The following LAMA1 variants were observed in gnomAD, a reference collection of about 807,000 sequenced individuals.
LAMA1 encodes laminin subunit alpha 1, also known as laminin subunit alpha-1.
Under a neutral mutation model 348.7 loss-of-function variants are expected in LAMA1, and 219 were observed. The ratio of observed to expected loss-of-function variants is 0.63; its 90% confidence interval spans 0.56 to 0.70. The LOEUF (loss-of-function observed/expected upper bound fraction) is 0.70. LAMA1 is among the 30% of genes least tolerant of loss of function. The pLI, the probability that LAMA1 is intolerant of heterozygous loss-of-function variation, is 0.00. For missense variants in LAMA1, 3,744 were observed against 3,888.0 expected (o/e 0.96, Z 0.99); for synonymous variants, 1,487 against 1,491.0 (o/e 1.00, Z 0.06).
At chr18:6,972,581 T>C (rs2057663074) in intron 47 of LAMA1, among the ~76,000 whole-genome samples, 1 of 152,246 alleles carries the variant, frequency 6.6e-6, no homozygotes, top group Non-Finnish European at 1.5e-5. Context: ...CATCACCCTT[T>C]ACTGTACAAA....
At chr18:7,076,728 AAG>A (rs2058169830) in intron 3 of LAMA1, 1 of 152,136 alleles carries the variant, frequency 6.6e-6, no homozygotes, top group African/African-American at 2.4e-5. Flanking sequence ...TGGATGGGAA[AAG>A]AGTTATTAAG....
At position 7,023,162 on chromosome 18, in the gene LAMA1, A is replaced by T; in HGVS notation, c.2701+2T>A. ...GACCTGACTTCACGCTCACGCACTC[A>T]CCGCGGCAGTTCTTGGCTGTCACAG... On this transcript the variant is annotated splice_donor_variant, in intron 19 of 62. Transcript: ENST00000389658. LOFTEE classifies it high-confidence loss of function. The T allele has an allele frequency of 6.2e-7, 1 of 1,611,646 alleles. No homozygotes were observed. Among genetic ancestry groups the T allele is most frequent in the Non-Finnish European group, 8.5e-7 (1 of 1,179,560 alleles).
At chr18:7,013,731 G>T in intron 23 of LAMA1, 84 bp downstream of exon 23, 1 of 1,340,676 alleles carries the variant, frequency 7.5e-7, no homozygotes, top group African/African-American at 1.4e-5. Context: ...TCCAAAACCT[G>T]GCTGCTTAGG....
In LAMA1 at chr18:6,947,169, G is replaced by A. The variant is rs767561363; in HGVS notation, c.8838C>T (p.Asp2946=). 1.5e-5 allele frequency: 24 copies of A among 1,614,078 alleles called. No homozygotes were observed. Among genetic ancestry groups the A allele is most frequent in the Non-Finnish European group, 1.9e-5 (23 of 1,180,040 alleles). Residue 2946 remains aspartate (D), a synonymous_variant, in exon 61 of 63, where the codon GAC becomes GAT. Coordinates refer to ENST00000389658, the MANE Select transcript of LAMA1 (RefSeq NM_005559.4). ...ATGGAGAGGAAGCACCCACCTTGCC[G>A]TCCACAAGCTCTAGTCCAATGGCAT... ...KVDAIGLELV[D]GKVLFHVNNG...
At chr18:7,048,243 T>C (rs1294907273) in intron 5 of LAMA1, among the ~76,000 whole-genome samples, 1 of 152,144 alleles carries the variant, frequency 6.6e-6, no homozygotes, top group Non-Finnish European at 1.5e-5. Flanking sequence ...AGTAAGCACA[T>C]TGTCAACATT....
rs746831678 is a variant in LAMA1 at position 6,971,925 on chromosome 18, C to T, written c.6831G>A (p.Leu2277=). Residue 2277 remains leucine, a synonymous_variant, in exon 48 of 63, where the codon CTG becomes CTA. Transcript: ENST00000389658. ...HFKGCLGEAF[L]NGKSIGLWNY... is the part of the protein sequence containing the mutation. ...TCCATAGGCCTATGGATTTTCCATT[C>T]AGGAAGGCCTCCCCCAAGCAGCCTT... is the stretch of plus-strand genomic sequence containing the variant. The T allele has an allele frequency of 6.2e-6, 10 of 1,614,086 alleles. No homozygotes were observed. The highest frequency in any genetic ancestry group is 8.5e-6 in the Non-Finnish European group (10 of 1,180,008).
Position 6,986,251 on chromosome 18 carries a change from T to C in LAMA1, c.5265A>G (p.Ser1755=), listed in dbSNP as rs1423645353. The change falls in exon 37 of 63, where the codon TCA becomes TCG. Residue 1755 remains serine, a synonymous_variant. Coordinates refer to ENST00000389658, the MANE Select transcript of LAMA1 (RefSeq NM_005559.4). The part of the protein sequence containing the change: ...VLKEAASHVL[S]KHNNELKAAE... ...CCGCCTTTAGTTCATTGTTGTGCTTTGAAAGGACGTGGCTTGCTGCTTCTT... is the reference window on the plus strand; with the variant it reads ...CCGCCTTTAGTTCATTGTTGTGCTTCGAAAGGACGTGGCTTGCTGCTTCTT... 1 of 1,614,196 alleles carries C rather than the reference T, an allele frequency of 6.2e-7. No homozygotes were observed. The highest frequency in any genetic ancestry group is 8.5e-7 in the Non-Finnish European group (1 of 1,180,036).
At chr18:6,986,837 G>A (rs530814915) in intron 36 of LAMA1, among the ~76,000 whole-genome samples, 20 of 152,230 alleles carry the variant, frequency 1.3e-4, no homozygotes, top group Admixed American at 4.6e-4. Flanking sequence ...TCAGCTCACT[G>A]CAACCTCCAC....
Position 7,049,331 on chromosome 18 carries a change from G to A in LAMA1, c.589-74C>T, listed in dbSNP as rs765176900. ...TATTTATTTTTTGAGATGGCGTCTC[G>A]CTCTTTGGTCCAGGCTGGAGTGCAG... On this transcript the variant is annotated intron_variant, in intron 4 of 62. Coordinates refer to ENST00000389658, the MANE Select transcript of LAMA1 (RefSeq NM_005559.4). 102 of 1,381,082 alleles carry A rather than the reference G, an allele frequency of 7.4e-5. No homozygotes were observed. The Middle Eastern group carries it at 1.0e-3, about 13-fold the overall frequency. The allele number at this position is 1,381,082 out of a possible 1,614,324, so 85.6% of individuals were successfully genotyped here.
chr18:6,942,408 T>C (rs1456870651), intron 62 of LAMA1, among the ~76,000 whole-genome samples, 169 bp from the exon 63 acceptor site: 5 of 152,150 alleles, frequency 3.3e-5, no homozygotes, highest in South Asian at 2.1e-4. Context: ...ACTAGCAGAA[T>C]TCAGAGAAAA....
In LAMA1 at chr18:6,942,155, A is replaced by C. The variant is rs1037479026; in HGVS notation, c.9152T>G (p.Val3051Gly). The C allele has an allele frequency of 6.2e-7, 1 of 1,614,144 alleles. No homozygotes were observed. Among genetic ancestry groups the C allele is most frequent in the Admixed American group, 1.7e-5 (1 of 60,022 alleles). ...CGCTCTGCTGAAGTCAAAGGACTGC[A>C]CCTGCGGGCTCTTAATCAGAGCTAG... ...RKLALIKSPQ[V>G]QSFDFSRAFE... Residue 3051 changes from valine (V) to glycine (G), a missense_variant, in exon 63 of 63, where the codon GTG becomes GGG. Physicochemically the swap from Val to Gly is moderately radical, Grantham distance 109. Transcript: ENST00000389658.
chr18:6,979,781 C>T (rs1191104597), intron 42 of LAMA1, among the ~76,000 whole-genome samples: 6 of 152,018 alleles, frequency 3.9e-5, no homozygotes, highest in Non-Finnish European at 5.9e-5. Flanking sequence ...CGCCTGTAGT[C>T]CCAGCTACTC....
intron 19 of LAMA1, among the ~76,000 whole-genome samples, chr18:7,022,179 A>G (rs1222386272): frequency 6.6e-6 from 1 of 152,084 alleles, no homozygotes; most frequent in African/African-American, 2.4e-5. Context: ...CAATTTCCCA[A>G]CTACCTGTCG....
At chr18:7,009,600 C>A (rs1217816882) in intron 26 of LAMA1, among the ~76,000 whole-genome samples, 1 of 152,238 alleles carries the variant, frequency 6.6e-6, no homozygotes, top group Middle Eastern at 3.4e-3. Flanking sequence ...AGCAAACATC[C>A]AGTAAACATC....
chr18:6,984,939 A>G (rs2057727520), intron 39 of LAMA1, among the ~76,000 whole-genome samples: 1 of 152,334 alleles, frequency 6.6e-6, no homozygotes, highest in South Asian at 2.1e-4. Context: ...GGTGCTTAAT[A>G]AAGCCTTGAT....
intron 12 of LAMA1, 48 bp from the exon 13 acceptor site, chr18:7,036,136 G>T: frequency 7.5e-7 from 1 of 1,335,724 alleles, no homozygotes; most frequent in Non-Finnish European, 1.1e-6. Context: ...GACAATCACA[G>T]CAACAATCAA....
chr18:6,999,246 C>T (rs960595538), intron 32 of LAMA1, among the ~76,000 whole-genome samples, 199 bp downstream of exon 32: 1 of 152,136 alleles, frequency 6.6e-6, no homozygotes, highest in Middle Eastern at 3.2e-3. Context: ...ATCTTAGAAC[C>T]TCCTGCCTCA....
Position 7,010,391 on chromosome 18 carries a change from A to T in LAMA1, c.3688-6T>A. On this transcript the variant is annotated splice_polypyrimidine_tract_variant and splice_region_variant and intron_variant, in intron 25 of 62. Transcript: ENST00000389658. ...TTGCCACCATAGGCCATGAGCTATC[A>T]AATAATAAAGTGTTGTTTACTTCTC... 6.2e-7 allele frequency: 1 copy of T among 1,613,594 alleles called. No individual in the cohort carries two copies. Among genetic ancestry groups the T allele is most frequent in the Non-Finnish European group, 8.5e-7 (1 of 1,179,836 alleles).
Position 7,036,039 on chromosome 18 carries a change from G to A in LAMA1, c.1787C>T (p.Pro596Leu), listed in dbSNP as rs139065838. ...GAGGTTACTGTCTACCGTCTCTACC[G>A]GAATATCGTAGGACACCGTGTATTT... ...FLKYTVSYDI[P>L]VETVDSNLMS... Residue 596 changes from proline to leucine, a missense_variant, in exon 13 of 63, where the codon CCG (proline) becomes CTG (leucine). By Grantham distance (98) the Pro-to-Leu change is moderately conservative. Coordinates refer to ENST00000389658, the MANE Select transcript of LAMA1 (RefSeq NM_005559.4). The A allele has an allele frequency of 2.2e-5, 35 of 1,614,114 alleles. No homozygotes were observed. The highest frequency in any genetic ancestry group is 1.3e-4 in the African/African-American group (10 of 75,036).
Sources: gnomAD v4.1 joint callset for allele counts (sites outside exome capture counted in the v4.1 genomes callset) on GRCh38, gnomAD v4.1.1 for gene constraint, MANE v1.5 for transcripts, NCBI Gene and HGNC (gene_info 2026-07-23, HGNC 2026-07-21) for gene names.